CDH12: variants seen among roughly 807,000 people sequenced by gnomAD.
CDH12 encodes the protein cadherin-12.
Under a neutral mutation model 74.1 loss-of-function variants are expected in CDH12, and 41 were observed. The observed-to-expected ratio is 0.55, with a 90% CI of 0.43 to 0.72. CDH12 has a LOEUF of 0.72. Ranked by LOEUF, CDH12 falls within the 30% of genes least tolerant of loss-of-function variation. CDH12 has a pLI of 0.00. For missense variants in CDH12, 945 were observed against 977.2 expected, an observed-to-expected ratio of 0.97 and a Z score of 0.44; for synonymous variants, 399 against 355.0, an observed-to-expected ratio of 1.12 and a Z score of -1.39.
At chr5:22,200,591 G>A (rs1391482048) in intron 4 of CDH12, among the ~76,000 whole-genome samples, 1 of 152,128 alleles carries the variant, frequency 6.6e-6, no homozygotes, top group Non-Finnish European at 1.5e-5. Context: ...GCATTAAACA[G>A]ATTTCAGTGG....
At chr5:21,987,645 T>G (rs569402497) in intron 5 of CDH12, among the ~76,000 whole-genome samples, 1 of 152,340 alleles carries the variant, frequency 6.6e-6, no homozygotes, top group Non-Finnish European at 1.5e-5. Flanking sequence ...TATTTCTGAC[T>G]GATACTGAGG....
chr5:22,091,601 G>A (rs1743438130), intron 4 of CDH12, among the ~76,000 whole-genome samples: 1 of 151,806 alleles, frequency 6.6e-6, no homozygotes, highest in Non-Finnish European at 1.5e-5. Context: ...TTCATAGATT[G>A]GAAAGTTAAT....
intron 1 of CDH12, among the ~76,000 whole-genome samples, chr5:22,849,884 C>T (rs1737469515): frequency 6.6e-6 from 1 of 151,996 alleles, no homozygotes; most frequent in Admixed American, 6.6e-5. Context: ...ATACCTGAAG[C>T]ATAATGAAGA....
intron 4 of CDH12, among the ~76,000 whole-genome samples, chr5:22,112,870 A>G (rs1019151471): frequency 1.3e-5 from 2 of 152,258 alleles, no homozygotes; most frequent in South Asian, 4.1e-4. Context: ...ACAGATATAC[A>G]TTAAAGGGGC....
At chr5:22,666,133 A>T (rs1480348155) in intron 1 of CDH12, among the ~76,000 whole-genome samples, 25 of 152,106 alleles carry the variant, frequency 1.6e-4, no homozygotes, top group Admixed American at 1.6e-3. Flanking sequence ...TACCTCAGTA[A>T]ATGGACCCAA....
At chr5:21,916,263 C>T (rs528127959) in intron 6 of CDH12, among the ~76,000 whole-genome samples, 18 of 152,208 alleles carry the variant, frequency 1.2e-4, no homozygotes, top group African/African-American at 3.9e-4. Context: ...CTCCCATAAA[C>T]TTGGCAATTA....
In CDH12 at chr5:21,966,444, T is replaced by C. The variant is rs544711862; in HGVS notation, c.526+8647A>G. The stretch of plus-strand genomic sequence containing the variant: ...ACTGTTCCAATAAAAACAGATGATA[T>C]GTTGAATTTAGCTCACAGAGTTTAG... On this transcript the variant is annotated intron_variant, in intron 6 of 14. Transcript: ENST00000382254. Among the ~76,000 whole-genome samples the C allele has an allele frequency of 3.5e-3, 531 of 152,062 alleles. 3 individuals are homozygous for C. The highest frequency in any genetic ancestry group is 0.012 in the African/African-American group (496 of 41,490).
In CDH12 at chr5:22,345,142, T is replaced by C. The variant is rs145670345; in HGVS notation, c.-333+60115A>G. On this transcript the variant is annotated intron_variant, in intron 3 of 14. Transcript: ENST00000382254. ...GAGGACGGGGTAAAGAGGCCCATGGTGTTCCTATTCTGACAATTACTCTTT... is the reference window on the plus strand; with the variant it reads ...GAGGACGGGGTAAAGAGGCCCATGGCGTTCCTATTCTGACAATTACTCTTT... 6.8e-3 allele frequency among the ~76,000 whole-genome samples: 1,043 copies of C among 152,304 alleles called. 5 individuals carry two copies. The highest frequency in any genetic ancestry group is 0.01 in the Middle Eastern group (3 of 294).
At chr5:22,219,009 G>C (rs753931342) in intron 3 of CDH12, among the ~76,000 whole-genome samples, 32 of 151,654 alleles carry the variant, frequency 2.1e-4, no homozygotes, top group Admixed American at 2.0e-3. Flanking sequence ...CCAGATAATA[G>C]TTCAGTAAAA....
chr5:22,771,034 T>A (rs1746778465), intron 1 of CDH12, among the ~76,000 whole-genome samples: 1 of 152,076 alleles, frequency 6.6e-6, no homozygotes, highest in Non-Finnish European at 1.5e-5. Flanking sequence ...TAAATGATAA[T>A]ACAATTTAAT....
chr5:22,670,860 A>C (rs910563908), intron 1 of CDH12, among the ~76,000 whole-genome samples: 6 of 152,032 alleles, frequency 3.9e-5, no homozygotes, highest in African/African-American at 1.4e-4. Flanking sequence ...ATAAAATGTA[A>C]TCTTTATTTT....
At chr5:22,392,127 G>T (rs772829502) in intron 3 of CDH12, among the ~76,000 whole-genome samples, 7 of 152,158 alleles carry the variant, frequency 4.6e-5, no homozygotes, top group Non-Finnish European at 8.8e-5. Context: ...TGACCCAGGG[G>T]AGTAAGGGAG....
At chr5:22,644,462 C>G (rs951226540) in intron 1 of CDH12, among the ~76,000 whole-genome samples, 3 of 151,940 alleles carry the variant, frequency 2.0e-5, no homozygotes, top group African/African-American at 7.3e-5. Flanking sequence ...AACTCTAACT[C>G]TCTTCAATTC....
chr5:22,103,415 G>T (rs1393065848), intron 4 of CDH12, among the ~76,000 whole-genome samples: 1 of 152,174 alleles, frequency 6.6e-6, no homozygotes, highest in Admixed American at 6.5e-5. Flanking sequence ...CACCTCTGCA[G>T]CTGCTCATCA....
intron 8 of CDH12, among the ~76,000 whole-genome samples, chr5:21,818,036 C>G (rs894832424): frequency 2.6e-5 from 4 of 151,978 alleles, no homozygotes; most frequent in Non-Finnish European, 5.9e-5. Flanking sequence ...TGCTCTTTTA[C>G]TGACATTTCA....
In CDH12 at chr5:22,562,088, C is replaced by G. The variant is rs528348141; in HGVS notation, c.-522-56724G>C. Among the ~76,000 whole-genome samples the G allele has an allele frequency of 3.3e-5, 5 of 152,214 alleles. No homozygotes were observed. In the South Asian group the frequency reaches 1.0e-3, roughly 32 times the overall value. ...ATCCCAGCACTTTGGGAGGCCGAGG[C>G]GGGCGGATCATGAGGTCAGGAGATC... On this transcript the variant is annotated intron_variant, in intron 1 of 14. Transcript: ENST00000382254.
chr5:22,192,093 C>T (rs1750342668), intron 4 of CDH12, among the ~76,000 whole-genome samples: 1 of 151,928 alleles, frequency 6.6e-6, no homozygotes, highest in Admixed American at 6.6e-5. Flanking sequence ...GCCACCATGC[C>T]CAGCTAATTT....
Position 21,917,629 on chromosome 5 carries a change from C to T in CDH12, c.526+57462G>A, listed in dbSNP as rs574298649. Among the ~76,000 whole-genome samples, 12 of 152,172 alleles carry T rather than the reference C, an allele frequency of 7.9e-5. 1 individual carries two copies. In the South Asian group the frequency reaches 2.5e-3, roughly 32 times the overall value. ...ATGTGATGAAACTAACAAGTGTTCT[C>T]TGTAAGAAAAAATTAGTTTTGAGAA... On this transcript the variant is annotated intron_variant, in intron 6 of 14. Coordinates refer to ENST00000382254, the MANE Select transcript of CDH12 (RefSeq NM_004061.5).
chr5:22,738,144 G>C (rs1458048683), intron 1 of CDH12, among the ~76,000 whole-genome samples: 1 of 151,860 alleles, frequency 6.6e-6, no homozygotes, highest in African/African-American at 2.4e-5. Context: ...GCTACAGAGG[G>C]GCCACAGCAA....
Sources: allele counts gnomAD v4.1 joint callset (sites outside exome capture counted in the v4.1 genomes callset), GRCh38; gene constraint gnomAD v4.1.1; transcripts MANE v1.5; gene names NCBI Gene and HGNC (gene_info 2026-07-23, HGNC 2026-07-21).